HS6ST3: variants seen among roughly 807,000 people sequenced by gnomAD.
HS6ST3 encodes heparan-sulfate 6-O-sulfotransferase 3.
Under a neutral mutation model 36.7 loss-of-function variants are expected in HS6ST3, and 12 were observed. The observed-to-expected ratio is 0.33, with a 90% CI of 0.21 to 0.53. The LOEUF is 0.53. Ranked by LOEUF, HS6ST3 falls within the 20% of genes least tolerant of loss-of-function variation. The probability of loss-of-function intolerance (pLI) is 0.95; values close to 1 mark genes in which losing one functional copy is unlikely to be tolerated. For synonymous variants in HS6ST3, 240 were observed against 257.5 expected (o/e 0.93, Z 0.65); for missense variants, 584 against 640.9 (o/e 0.91, Z 0.96).
intron 1 of HS6ST3, among the ~76,000 whole-genome samples, chr13:96,669,347 T>A (rs1283944710): frequency 6.6e-6 from 1 of 152,062 alleles, no homozygotes; most frequent in Non-Finnish European, 1.5e-5. Context: ...CCTCAGGAGG[T>A]AACTGGATCC....
At chr13:96,311,751 T>C (rs910036897) in intron 1 of HS6ST3, among the ~76,000 whole-genome samples, 8 of 152,166 alleles carry the variant, frequency 5.3e-5, no homozygotes, top group African/African-American at 1.7e-4. Flanking sequence ...CGAAAGAGAT[T>C]TTCCAAGGGC....
intron 1 of HS6ST3, among the ~76,000 whole-genome samples, chr13:96,155,505 T>C (rs887146920): frequency 4.6e-5 from 7 of 152,198 alleles, no homozygotes; most frequent in African/African-American, 1.7e-4. Flanking sequence ...CAGAGGTTAA[T>C]ACAAGTTTTG....
At chr13:96,457,062 T>TA (rs2055757643) in intron 1 of HS6ST3, among the ~76,000 whole-genome samples, 1 of 152,148 alleles carries the variant, frequency 6.6e-6, no homozygotes, top group African/African-American at 2.4e-5. Context: ...TATTGATCTA[T>TA]ATGACTTCAA....
intron 1 of HS6ST3, among the ~76,000 whole-genome samples, chr13:96,325,539 T>C (rs528859647): frequency 3.3e-5 from 5 of 152,196 alleles, no homozygotes; most frequent in Admixed American, 6.5e-5. Flanking sequence ...TTGGGCATCG[T>C]AAGTAATCCG....
At chr13:96,696,317 T>C (rs1446123759) in intron 1 of HS6ST3, among the ~76,000 whole-genome samples, 1 of 152,162 alleles carries the variant, frequency 6.6e-6, no homozygotes, top group Non-Finnish European at 1.5e-5. Flanking sequence ...TAGGATAGTC[T>C]CCCTTATTTA....
chr13:96,376,866 A>G (rs1050094756), intron 1 of HS6ST3, among the ~76,000 whole-genome samples: 2 of 152,136 alleles, frequency 1.3e-5, no homozygotes, highest in African/African-American at 4.8e-5. Context: ...CTGTAATCCC[A>G]GCACTTTGGG....
At chr13:96,828,206 A>C (rs1397441196) in intron 1 of HS6ST3, among the ~76,000 whole-genome samples, 2 of 152,238 alleles carry the variant, frequency 1.3e-5, no homozygotes, top group Non-Finnish European at 2.9e-5. Flanking sequence ...GATTTAAAGG[A>C]AAATGAATGT....
rs114802708 is a variant in HS6ST3 at position 96,232,536 on chromosome 13, T to C, written c.707+140967T>C. Among the ~76,000 whole-genome samples, 654 of 152,104 alleles carry C rather than the reference T, an allele frequency of 4.3e-3. 3 individuals are homozygous for C. Among genetic ancestry groups the C allele is most frequent in the African/African-American group, 0.015 (612 of 41,490 alleles). On this transcript the variant is annotated intron_variant, in intron 1 of 1. Transcript: ENST00000376705. ...AAGGGGAAAATCAGTACCTAGGAAG[T>C]GCAGGATCTAAATAGGTTGGTGAAG...
At chr13:96,463,556 G>C (rs543146851) in intron 1 of HS6ST3, among the ~76,000 whole-genome samples, 1 of 152,172 alleles carries the variant, frequency 6.6e-6, no homozygotes, top group South Asian at 2.1e-4. Context: ...TCTTGAACAA[G>C]ACACAAATAA....
At chr13:96,380,888 T>C (rs1028346954) in intron 1 of HS6ST3, among the ~76,000 whole-genome samples, 7 of 152,192 alleles carry the variant, frequency 4.6e-5, no homozygotes, top group African/African-American at 1.7e-4. Flanking sequence ...AAACGGATCA[T>C]AGTTTAGGGA....
chr13:96,136,706 TATATATATATATAG>T (rs1454714664), intron 1 of HS6ST3, among the ~76,000 whole-genome samples: 1 of 94,364 alleles, frequency 1.1e-5, no homozygotes, highest in Non-Finnish European at 2.3e-5. Flanking sequence ...TATATATATA[TATATATATATATAG>T]TAAAATGGTT....
At chr13:96,350,180 A>G (rs1260551040) in intron 1 of HS6ST3, among the ~76,000 whole-genome samples, 1 of 152,240 alleles carries the variant, frequency 6.6e-6, no homozygotes, top group Non-Finnish European at 1.5e-5. Flanking sequence ...AAGCCAGGCT[A>G]CTGAAATTAG....
chr13:96,486,472 A>G (rs1021367252), intron 1 of HS6ST3, among the ~76,000 whole-genome samples: 1 of 152,216 alleles, frequency 6.6e-6, no homozygotes, highest in Admixed American at 6.5e-5. Flanking sequence ...ACTAGTTTAC[A>G]GTCCCACCAA....
At chr13:96,479,373 G>C (rs895125369) in intron 1 of HS6ST3, among the ~76,000 whole-genome samples, 1 of 152,172 alleles carries the variant, frequency 6.6e-6, no homozygotes, top group East Asian at 1.9e-4. Flanking sequence ...AGAGGGGAAC[G>C]ATTAGGAGGC....
At chr13:96,778,492 C>G (rs572735082) in intron 1 of HS6ST3, among the ~76,000 whole-genome samples, 1 of 152,050 alleles carries the variant, frequency 6.6e-6, no homozygotes, top group Admixed American at 6.6e-5. Flanking sequence ...AAAACAACCC[C>G]ATCAAAAAGT....
At chr13:96,232,172 T>C (rs2054511714) in intron 1 of HS6ST3, among the ~76,000 whole-genome samples, 1 of 152,096 alleles carries the variant, frequency 6.6e-6, no homozygotes, top group South Asian at 2.1e-4. Flanking sequence ...AGAGTGTGAA[T>C]TCAGAGTATA....
chr13:96,638,144 T>C (rs1467025115), intron 1 of HS6ST3, among the ~76,000 whole-genome samples: 1 of 152,066 alleles, frequency 6.6e-6, no homozygotes, highest in Non-Finnish European at 1.5e-5. Flanking sequence ...AGGCAAAGCA[T>C]GATGAGTTGC....
intron 1 of HS6ST3, among the ~76,000 whole-genome samples, chr13:96,436,464 A>ACCGAT (rs1566360525): frequency 6.6e-6 from 1 of 152,162 alleles, no homozygotes; most frequent in African/African-American, 2.4e-5. Context: ...AACCAAACAC[A>ACCGAT]CCGATGTTAT....
chr13:96,136,021 G>T (rs973901170), intron 1 of HS6ST3, among the ~76,000 whole-genome samples: 1 of 152,028 alleles, frequency 6.6e-6, no homozygotes, highest in Non-Finnish European at 1.5e-5. Flanking sequence ...TCTTCTGATT[G>T]GCCACACTTG....
Sources: gnomAD v4.1 joint callset for allele counts (sites outside exome capture counted in the v4.1 genomes callset) on GRCh38, gnomAD v4.1.1 for gene constraint, MANE v1.5 for transcripts, NCBI Gene and HGNC (gene_info 2026-07-23, HGNC 2026-07-21) for gene names.